Variants in LRRTM4 observed in about 807,000 individuals in gnomAD.
The protein encoded by LRRTM4 is leucine-rich repeat transmembrane neuronal protein 4.
Under a neutral mutation model 47.6 loss-of-function variants are expected in LRRTM4, and 25 were observed. That is an observed-to-expected ratio of 0.53 (90% CI 0.38 to 0.73). The LOEUF (loss-of-function observed/expected upper bound fraction) is 0.73. LRRTM4 is among the 30% of genes least tolerant of loss of function. The probability of loss-of-function intolerance (pLI) is 0.00; values close to 1 mark genes in which losing one functional copy is unlikely to be tolerated. For synonymous variants in LRRTM4, 311 were observed against 269.5 expected (o/e 1.15, Z -1.51); for missense variants, 638 against 713.4 (o/e 0.89, Z 1.20).
intron 3 of LRRTM4, among the ~76,000 whole-genome samples, chr2:77,402,336 T>C (rs986318551): frequency 1.5e-4 from 23 of 151,778 alleles, no homozygotes; most frequent in African/African-American, 2.9e-4. Context: ...TTTGTAGAGA[T>C]GGGGGTTTCA....
intron 3 of LRRTM4, among the ~76,000 whole-genome samples, chr2:77,421,561 G>A (rs1436902116): frequency 1.3e-5 from 2 of 152,130 alleles, no homozygotes; most frequent in Admixed American, 1.3e-4. Flanking sequence ...CAAAAAATTA[G>A]CCGGGCGTGT....
intron 3 of LRRTM4, among the ~76,000 whole-genome samples, chr2:76,997,892 T>C (rs970859274): frequency 1.3e-5 from 2 of 151,874 alleles, no homozygotes; most frequent in Non-Finnish European, 2.9e-5. Context: ...ATGAACCCTA[T>C]TGTGAACTGC....
At chr2:77,277,277 A>G (rs926538100) in intron 3 of LRRTM4, among the ~76,000 whole-genome samples, 2 of 151,856 alleles carry the variant, frequency 1.3e-5, no homozygotes, top group Admixed American at 1.3e-4. Flanking sequence ...GTAGCTTTGT[A>G]TAGCAATGAA....
chr2:77,005,288 A>AGC (rs1573439399), intron 3 of LRRTM4, among the ~76,000 whole-genome samples: 1 of 152,046 alleles, frequency 6.6e-6, no homozygotes, highest in Non-Finnish European at 1.5e-5. Context: ...GGGATTATAC[A>AGC]TGCCTGCCAC....
chr2:76,986,210 T>C (rs539133894), intron 3 of LRRTM4, among the ~76,000 whole-genome samples: 412 of 152,082 alleles, frequency 2.7e-3, no homozygotes, highest in Non-Finnish European at 5.3e-3. Flanking sequence ...CTTGAACTTC[T>C]GAAGAGTGTG....
chr2:76,835,327 T>C lies in LRRTM4; in HGVS notation c.1552-86411A>G, dbSNP rs768533058. Among the ~76,000 whole-genome samples the C allele has an allele frequency of 6.9e-4, 105 of 152,150 alleles. 1 individual carries two copies. Among genetic ancestry groups the C allele is most frequent in the South Asian group, 2.9e-3 (14 of 4,828 alleles). On this transcript the variant is annotated intron_variant, in intron 3 of 3. Coordinates refer to ENST00000409884, the MANE Select transcript of LRRTM4 (RefSeq NM_001134745.3). ...GAGTGTCTGGCTCCTAACATATGCA[T>C]AGATTTATAAGGTGAGAAACATCAT...
At chr2:77,307,190 G>A (rs1161296219) in intron 3 of LRRTM4, among the ~76,000 whole-genome samples, 2 of 151,806 alleles carry the variant, frequency 1.3e-5, no homozygotes, top group East Asian at 1.9e-4. Context: ...GTGAGCCACC[G>A]CGCCCGGCCC....
Position 77,521,771 on chromosome 2 carries a change from C to A in LRRTM4, c.-100G>T. The A allele has an allele frequency of 1.5e-6, 2 of 1,293,590 alleles. No homozygotes were observed. Among genetic ancestry groups the A allele is most frequent in the Non-Finnish European group, 2.2e-6 (2 of 903,592 alleles). The allele number at this position is 1,293,590 out of a possible 1,614,324, so 80.1% of individuals were successfully genotyped here. A position where few individuals can be genotyped will look rare whatever the true frequency, so the allele number is the denominator to read the frequency against. On this transcript the variant is annotated 5_prime_UTR_variant, in exon 2 of 4. It removes an upstream start codon present in the reference 5' UTR. Coordinates refer to ENST00000409884, the MANE Select transcript of LRRTM4 (RefSeq NM_001134745.3). ...CACCTTCATGACACAGTGCGGCTGT[C>A]ATTCACACCATTCTGATCCCGCATG... is the stretch of plus-strand genomic sequence containing the variant.
intron 3 of LRRTM4, among the ~76,000 whole-genome samples, chr2:77,467,756 T>C (rs1677034322): frequency 6.6e-6 from 1 of 152,190 alleles, no homozygotes; most frequent in Non-Finnish European, 1.5e-5. Context: ...AATAAAAATA[T>C]GTGAAATATG....
chr2:77,414,788 C>T (rs189669196), intron 3 of LRRTM4, among the ~76,000 whole-genome samples: 1 of 152,270 alleles, frequency 6.6e-6, no homozygotes. Context: ...GTGCCTCCTG[C>T]CCCGCTCTAT....
intron 3 of LRRTM4, among the ~76,000 whole-genome samples, chr2:76,996,292 T>C (rs1235987904): frequency 6.6e-6 from 1 of 152,088 alleles, no homozygotes; most frequent in Non-Finnish European, 1.5e-5. Flanking sequence ...CTCATGAATT[T>C]AAACAAAACC....
chr2:77,225,098 G>A (rs1313823460), intron 3 of LRRTM4, among the ~76,000 whole-genome samples: 1 of 151,086 alleles, frequency 6.6e-6, no homozygotes, highest in East Asian at 1.9e-4. Context: ...ATCATTCTCA[G>A]CAAACTATCA....
intron 3 of LRRTM4, among the ~76,000 whole-genome samples, chr2:76,754,209 AAATG>A (rs1174325782): frequency 6.6e-6 from 1 of 152,184 alleles, no homozygotes; most frequent in African/African-American, 2.4e-5. Flanking sequence ...ATTAATTTTA[AAATG>A]AATGTCCATA....
chr2:77,222,713 T>A (rs1017828709), intron 3 of LRRTM4, among the ~76,000 whole-genome samples: 6 of 152,062 alleles, frequency 3.9e-5, no homozygotes, highest in African/African-American at 1.4e-4. Context: ...AGGCAATAAT[T>A]AATAGCTTAC....
At chr2:76,856,600 A>G (rs192837683) in intron 3 of LRRTM4, among the ~76,000 whole-genome samples, 3 of 152,314 alleles carry the variant, frequency 2.0e-5, no homozygotes, top group South Asian at 4.1e-4. Flanking sequence ...TAGGAAAAAG[A>G]AGAAAACAAT....
In LRRTM4 at chr2:77,373,088, A is replaced by ATATATATATAT. The variant is rs1553435845; in HGVS notation, c.1551+145229_1551+145230insATATATATATA. 1.1e-4 allele frequency among the ~76,000 whole-genome samples: 15 copies of ATATATATATAT among 140,352 alleles called. No homozygotes were observed. In the East Asian group the frequency reaches 2.9e-3, roughly 27 times the overall value. The allele number at this position is 140,352 out of a possible 152,430, so 92.1% of individuals were successfully genotyped here. Reference sequence around the variant, plus strand: ...AAAGCAAACCAACAATTAAAAAAAAAATATATATATATATATATATACGCA... The same window carrying ATATATATATAT: ...AAAGCAAACCAACAATTAAAAAAAAATATATATATATATATATATATATATATATATACGCA... On this transcript the variant is annotated intron_variant, in intron 3 of 3. Transcript: ENST00000409884.
chr2:77,361,704 T>C (rs1467348361), intron 3 of LRRTM4, among the ~76,000 whole-genome samples: 1 of 152,208 alleles, frequency 6.6e-6, no homozygotes, highest in African/African-American at 2.4e-5. Flanking sequence ...CTTGGTGATG[T>C]AGGTTGAAGT....
chr2:76,945,604 T>C (rs1255744259), intron 3 of LRRTM4, among the ~76,000 whole-genome samples: 1 of 152,044 alleles, frequency 6.6e-6, no homozygotes, highest in Non-Finnish European at 1.5e-5. Flanking sequence ...GAAAAAGTCC[T>C]GCATATATAT....
intron 3 of LRRTM4, among the ~76,000 whole-genome samples, chr2:76,798,176 C>G (rs150409963): frequency 2.5e-3 from 383 of 152,128 alleles, no homozygotes; most frequent in African/African-American, 8.7e-3. Context: ...CACACCTATT[C>G]CAAAATTGAC....
Sources: allele counts gnomAD v4.1 joint callset (sites outside exome capture counted in the v4.1 genomes callset), GRCh38; gene constraint gnomAD v4.1.1; transcripts MANE v1.5; gene names NCBI Gene and HGNC (gene_info 2026-07-23, HGNC 2026-07-21).